Variants in ATG9B observed in about 807,000 individuals in gnomAD.
The protein encoded by ATG9B is autophagy-related protein 9B.
Under a neutral mutation model 92.9 loss-of-function variants are expected in ATG9B, and 92 were observed. The observed-to-expected ratio is 0.99, with a 90% confidence interval of 0.84 to 1.18. The LOEUF is 1.18. Among genes scored for constraint, ATG9B ranks in the 50% most tolerant of loss-of-function variants. The probability of loss-of-function intolerance (pLI) is 0.00; values close to 1 mark genes in which losing one functional copy is unlikely to be tolerated. For missense variants in ATG9B, 1,344 were observed against 1,235.0 expected (o/e 1.09, Z -1.32); for synonymous variants, 599 against 551.4 (o/e 1.09, Z -1.21).
chr7:151,014,297 G>C, downstream of ATG9B: 2 of 993,188 alleles, frequency 2.0e-6, no homozygotes, highest in Non-Finnish European at 2.9e-6. Flanking sequence ...AGGCTGCAAG[G>C]ATTCAGCATT....
downstream of ATG9B, chr7:151,012,855 T>A: frequency 3.0e-6 from 1 of 335,732 alleles, no homozygotes; most frequent in Non-Finnish European, 5.5e-6. Context: ...CCCAGGGTGG[T>A]CTGTCAATCA....
At chr7:151,012,488 AAAGGACTGCCTG>A, downstream of ATG9B, 2 of 1,609,690 alleles carry the variant, frequency 1.2e-6, no homozygotes, top group Non-Finnish European at 1.7e-6. Flanking sequence ...GCTGGGGACT[AAAGGACTGCCTG>A]AAGGGAGTCA....
chr7:151,013,985 T>A (rs746109526), downstream of ATG9B: 14 of 1,608,778 alleles, frequency 8.7e-6, no homozygotes, highest in African/African-American at 1.3e-5. Flanking sequence ...CGGGTTCTGA[T>A]CCACTGTGCT....
chr7:151,012,496 G>A, downstream of ATG9B: 1 of 1,603,598 alleles, frequency 6.2e-7, no homozygotes, highest in Non-Finnish European at 8.5e-7. Flanking sequence ...CTAAAGGACT[G>A]CCTGAAGGGA....
downstream of ATG9B, chr7:151,012,535 G>A (rs528215012): frequency 3.3e-5 from 51 of 1,552,414 alleles, 1 homozygote; most frequent in Non-Finnish European, 3.3e-5. Context: ...AGAGGGGTGG[G>A]GCTGGAAGGC....
chr7:151,013,067 T>C, downstream of ATG9B: 2 of 749,134 alleles, frequency 2.7e-6, no homozygotes, highest in Non-Finnish European at 4.3e-6. Context: ...GTGCAGGGTC[T>C]CTGTGAAAGC....
At chr7:151,016,049 C>T in intron 12 of ATG9B, 26 bp from the exon 13 acceptor site, 1 of 1,550,238 alleles carries the variant, frequency 6.5e-7, no homozygotes, top group South Asian at 1.2e-5. Context: ...ATCAGCTGGG[C>T]AGTTCCATGA....
downstream of ATG9B, chr7:151,014,351 C>T: frequency 2.9e-6 from 2 of 678,628 alleles, no homozygotes; most frequent in South Asian, 2.2e-5. Flanking sequence ...CCTCTCTAGG[C>T]CTGTTGCCTC....
In ATG9B at chr7:151,016,137, A is replaced by G. The variant is rs1363196745; in HGVS notation, c.2619T>C (p.Asp873=). Residue 873 remains aspartate, a synonymous_variant, in exon 12 of 14, where the codon GAT becomes GAC. Coordinates refer to ENST00000639579, the MANE Select transcript of ATG9B (RefSeq NM_001317056.2). The part of the protein sequence containing the change: ...CSSPSQPPSP[D]EEKPSWSSDG... ...CACTTGACCAGGATGGCTTCTCCTC[A>G]TCAGGCGAGGGTGGCTGTGAGGGGC... 1.9e-6 allele frequency: 3 copies of G among 1,540,774 alleles called. No individual in the cohort carries two copies. Among genetic ancestry groups the G allele is most frequent in the South Asian group, 2.4e-5 (2 of 82,384 alleles).
chr7:151,023,176 G>T lies in ATG9B; in HGVS notation c.690C>A (p.Thr230=), dbSNP rs1241976831. 6.2e-7 allele frequency: 1 copy of T among 1,614,102 alleles called. No homozygotes were observed. Among genetic ancestry groups the T allele is most frequent in the Admixed American group, 1.7e-5 (1 of 60,006 alleles). The change falls in exon 4 of 14, where the codon ACC becomes ACA. Residue 230 remains threonine (T), a synonymous_variant. Transcript: ENST00000639579. ...TGTAATCCACGCATCGAAGGAGGAAGGTTGTGAAGGTGACAATGAAAATAA... is the reference window on the plus strand; with the variant it reads ...TGTAATCCACGCATCGAAGGAGGAATGTTGTGAAGGTGACAATGAAAATAA... ...GQFIFIVTFT[T]FLLRCVDYNV...
downstream of ATG9B, chr7:151,012,806 C>G (rs570716339): frequency 5.9e-6 from 2 of 338,152 alleles, no homozygotes; most frequent in Non-Finnish European, 1.1e-5. Flanking sequence ...TGTCCAAGAC[C>G]TAAGGATGCT....
downstream of ATG9B, chr7:151,013,564 C>A: frequency 1.0e-6 from 1 of 1,002,586 alleles, no homozygotes. Context: ...CCGCCCCTGC[C>A]CCGCCCCTTT....
chr7:151,017,762 C>G, intron 8 of ATG9B, 109 bp downstream of exon 8: 1 of 1,325,458 alleles, frequency 7.5e-7, no homozygotes, highest in Non-Finnish European at 1.0e-6. Context: ...ACCCGCTCAA[C>G]GGCACAGGTA....
rs1023295709 is a variant in ATG9B, at chr7:151,023,948, G to A, written c.476C>T (p.Pro159Leu). Residue 159 changes from proline (P) to leucine (L), a missense_variant, in exon 1 of 14, where the codon CCT becomes CTT. Pro to Leu is a moderately conservative substitution (Grantham distance 98). Transcript: ENST00000639579. The part of the protein sequence containing the change: ...QDYERLEDCD[P>L]EGSQDSPIHG... ...GATGGGTGAGTCTTGGGACCCCTCA[G>A]GGTCACAGTCCTCCAGCCGCTCATA... is the stretch of plus-strand genomic sequence containing the variant. 3.1e-6 allele frequency: 5 copies of A among 1,590,422 alleles called. No homozygotes were observed. Among genetic ancestry groups the A allele is most frequent in the Non-Finnish European group, 4.3e-6 (5 of 1,168,722 alleles).
chr7:151,014,371 T>C (rs934164867), downstream of ATG9B: 1 of 575,092 alleles, frequency 1.7e-6, no homozygotes, highest in South Asian at 2.7e-5. Context: ...CGGGCCTGGG[T>C]CCGCCTTAAT....
At position 151,018,643 on chromosome 7, in the gene ATG9B, G is replaced by C; in HGVS notation, c.1695C>G (p.Leu565=). 6.2e-7 allele frequency: 1 copy of C among 1,606,842 alleles called. No homozygotes were observed. The highest frequency in any genetic ancestry group is 1.1e-5 in the South Asian group (1 of 90,940). Residue 565 remains leucine (L), a synonymous_variant, in exon 6 of 14, where the codon CTC becomes CTG. Coordinates refer to ENST00000639579, the MANE Select transcript of ATG9B (RefSeq NM_001317056.2). This position sits in a 1 kb window ranked among gnomAD's most constrained non-coding sequence, Gnocchi z 4.7. ...VEHVLTAMTA[L]GVTATVARSF... is the part of the protein sequence containing the mutation. ...ACCTGGCGACGGTGGCGGTGACCCC[G>C]AGCGCGGTCATGGCGGTGAGCACGT...
chr7:151,016,108 C>G lies in ATG9B; in HGVS notation c.2647+1G>C. The G allele has an allele frequency of 1.3e-6, 2 of 1,537,256 alleles. No homozygotes were observed. Among genetic ancestry groups the G allele is most frequent in the Non-Finnish European group, 1.8e-6 (2 of 1,138,714 alleles). On this transcript the variant is annotated splice_donor_variant, in intron 12 of 13. Coordinates refer to ENST00000639579, the MANE Select transcript of ATG9B (RefSeq NM_001317056.2). LOFTEE classifies it high-confidence loss of function. ...TCCCCTGCAGGCCCCACCCTCCTCA[C>G]CGTCACTTGACCAGGATGGCTTCTC...
At position 151,023,730 on chromosome 7, in the gene ATG9B, C is replaced by G. The variant is rs1182512801; in HGVS notation, c.551G>C (p.Gly184Ala). Residue 184 changes from glycine to alanine, a missense_variant and splice_region_variant, in exon 2 of 14, where the codon GGC becomes GCC. Gly to Ala is a moderately conservative substitution (Grantham distance 60, BLOSUM62 0). Coordinates refer to ENST00000639579, the MANE Select transcript of ATG9B (RefSeq NM_001317056.2). Reference protein sequence around the residue: ...PLLHVPEGLRGSWHHIQNLDS... With the variant: ...PLLHVPEGLRASWHHIQNLDS... Reference sequence around the variant, plus strand: ...CAGGTTCTGGATGTGATGCCAGGAGCCTGGGCACAGAGGGGAGAGTGTCAG... The same window carrying G: ...CAGGTTCTGGATGTGATGCCAGGAGGCTGGGCACAGAGGGGAGAGTGTCAG... 1 of 1,613,924 alleles carries G rather than the reference C, an allele frequency of 6.2e-7. No homozygotes were observed. The highest frequency in any genetic ancestry group is 1.3e-5 in the African/African-American group (1 of 74,928).
chr7:151,023,966 C>T lies in ATG9B; in HGVS notation c.458G>A (p.Arg153Gln), dbSNP rs1563267843. The change falls in exon 1 of 14, where the codon CGG becomes CAG. Residue 153 changes from arginine (R) to glutamine (Q), a missense_variant. Transcript: ENST00000639579. Reference protein sequence around the residue: ...GPLIPEQDYERLEDCDPEGSQ... With the variant: ...GPLIPEQDYEQLEDCDPEGSQ... ...CCCCTCAGGGTCACAGTCCTCCAGC[C>T]GCTCATAATCCTGTTCAGGGATCAA... 9 of 1,590,094 alleles carry T rather than the reference C, an allele frequency of 5.7e-6. No individual in the cohort carries two copies. The highest frequency in any genetic ancestry group is 2.3e-5 in the East Asian group (1 of 43,578).
Sources: allele counts gnomAD v4.1 joint callset, GRCh38; gene constraint gnomAD v4.1.1; non-coding constraint Gnocchi (gnomAD v3.1); transcripts MANE v1.5; gene names NCBI Gene and HGNC (gene_info 2026-07-23, HGNC 2026-07-21).